AQR: variants seen among roughly 807,000 people sequenced by gnomAD.
The protein encoded by AQR is aquarius intron-binding spliceosomal factor.
AQR carries 61 observed loss-of-function variants against 180.5 expected under a neutral mutation model. The observed-to-expected ratio is 0.34, with a 90% CI of 0.28 to 0.42. The LOEUF (loss-of-function observed/expected upper bound fraction) is 0.42. Among genes scored for constraint, AQR ranks in the 10% least tolerant of loss-of-function variants. The pLI is 1.00. For missense variants in AQR, 1,281 were observed against 1,798.3 expected, an observed-to-expected ratio of 0.71 and a Z score of 5.20; for synonymous variants, 551 against 588.8, an observed-to-expected ratio of 0.94 and a Z score of 0.93.
chr15:34,874,968 C>T, intron 28 of AQR, 104 bp from the exon 29 acceptor site: 1 of 1,085,624 alleles, frequency 9.2e-7, no homozygotes, highest in Non-Finnish European at 1.3e-6. Context: ...CCTTATCTTA[C>T]AAATTACCAA....
chr15:34,962,121 C>G (rs1038493762), intron 2 of AQR, among the ~76,000 whole-genome samples: 2 of 151,036 alleles, frequency 1.3e-5, no homozygotes, highest in East Asian at 3.9e-4. Flanking sequence ...CTTCCAGTCT[C>G]AACTATCCTC....
intron 13 of AQR, 91 bp downstream of exon 13, chr15:34,926,944 G>T: frequency 1.5e-6 from 1 of 669,934 alleles, no homozygotes; most frequent in Non-Finnish European, 2.4e-6. Context: ...ATTATCTAAA[G>T]TACTGCAAAA....
At chr15:34,892,354 C>T (rs1400372872) in intron 23 of AQR, among the ~76,000 whole-genome samples, 2 of 152,136 alleles carry the variant, frequency 1.3e-5, no homozygotes, top group Non-Finnish European at 2.9e-5. Flanking sequence ...CAGGAATATT[C>T]ATTCTACTAA....
intron 27 of AQR, 33 bp downstream of exon 27, chr15:34,882,465 TAAAA>T: frequency 9.2e-6 from 11 of 1,199,450 alleles, no homozygotes; most frequent in South Asian, 8.1e-5. Context: ...CTGATAATCT[TAAAA>T]AAAAAAAAAA....
intron 3 of AQR, among the ~76,000 whole-genome samples, chr15:34,957,345 C>T (rs1179492228): frequency 1.3e-5 from 2 of 151,644 alleles, no homozygotes; most frequent in Admixed American, 6.6e-5. Flanking sequence ...TTAGTAGAGA[C>T]GGGGTTTCAC....
chr15:34,954,601 C>T (rs1291182969), intron 3 of AQR, among the ~76,000 whole-genome samples: 1 of 152,112 alleles, frequency 6.6e-6, no homozygotes, highest in Non-Finnish European at 1.5e-5. Flanking sequence ...GCCACCATGC[C>T]TGGCCTTGAA....
chr15:34,896,795 G>T, intron 22 of AQR, 102 bp downstream of exon 22: 1 of 970,244 alleles, frequency 1.0e-6, no homozygotes, highest in Non-Finnish European at 1.6e-6. Flanking sequence ...GCTGCAGTGA[G>T]CTGAGATCGC....
In AQR at chr15:34,944,354, A is replaced by G. The variant is rs1894076766; in HGVS notation, c.405T>C (p.Asp135=). Residue 135 remains aspartate (D), a synonymous_variant, in exon 6 of 35, where the codon GAT becomes GAC. Coordinates refer to ENST00000156471, the MANE Select transcript of AQR (RefSeq NM_014691.3). ...TCTGTTCATGAAGTGAAAATTCACC[A>G]TCAGTTTCAGCTAATGCCGCCTTCA... ...HILKAALAET[D]GEFSLHEQTV... 6.2e-7 allele frequency: 1 copy of G among 1,611,632 alleles called. No homozygotes were observed. Among genetic ancestry groups the G allele is most frequent in the Non-Finnish European group, 8.5e-7 (1 of 1,178,952 alleles).
intron 31 of AQR, chr15:34,868,419 G>C (rs558673124): frequency 6.6e-6 from 1 of 152,208 alleles, no homozygotes; most frequent in East Asian, 1.9e-4. Context: ...TGGCAACTCA[G>C]ACATTTATCT....
chr15:34,873,591 C>T (rs1345899725), intron 30 of AQR, among the ~76,000 whole-genome samples: 4 of 152,006 alleles, frequency 2.6e-5, no homozygotes, highest in Admixed American at 2.6e-4. Flanking sequence ...TTAGGAAGAC[C>T]TTTCTCACTC....
chr15:34,956,192 T>C (rs1894313221), intron 3 of AQR, among the ~76,000 whole-genome samples: 1 of 152,140 alleles, frequency 6.6e-6, no homozygotes. Flanking sequence ...AAAGAGTCCA[T>C]ACATTTCAAA....
intron 31 of AQR, 73 bp from the exon 32 acceptor site, chr15:34,867,682 G>T: frequency 1.9e-6 from 2 of 1,035,436 alleles, no homozygotes; most frequent in Non-Finnish European, 2.9e-6. Flanking sequence ...TAAATAATGT[G>T]CTAGGAACAA....
At chr15:34,935,107 TAG>T (rs770500703) in intron 9 of AQR, among the ~76,000 whole-genome samples, 10 of 152,102 alleles carry the variant, frequency 6.6e-5, no homozygotes, top group Admixed American at 2.0e-4. Flanking sequence ...CACTGAAAAT[TAG>T]AGAGGTAATT....
At chr15:34,858,737 A>G (rs1892627151) in intron 34 of AQR, among the ~76,000 whole-genome samples, 1 of 152,224 alleles carries the variant, frequency 6.6e-6, no homozygotes, top group Non-Finnish European at 1.5e-5. Context: ...TGGCAAAGGG[A>G]CGGATATACA....
chr15:34,940,486 C>A (rs1239231993), intron 8 of AQR, among the ~76,000 whole-genome samples: 1 of 152,006 alleles, frequency 6.6e-6, no homozygotes, highest in Non-Finnish European at 1.5e-5. Context: ...GCCACAGTCG[C>A]ACTATTGCAC....
intron 5 of AQR, among the ~76,000 whole-genome samples, chr15:34,947,924 G>A (rs62006153): frequency 0.12 from 18,843 of 152,174 alleles, 1,405 homozygotes; most frequent in East Asian, 0.3. Context: ...AGGCATGAGT[G>A]ACAGCACTCA....
intron 34 of AQR, 67 bp from the exon 35 acceptor site, chr15:34,857,173 C>T: frequency 1.4e-6 from 2 of 1,411,736 alleles, no homozygotes; most frequent in Non-Finnish European, 1.9e-6. Flanking sequence ...TAAGCTCTCA[C>T]ATTACCATTC....
intron 12 of AQR, among the ~76,000 whole-genome samples, chr15:34,929,578 T>C (rs912042066): frequency 1.1e-4 from 16 of 152,190 alleles, no homozygotes; most frequent in African/African-American, 3.9e-4. Context: ...ACCAAGCTGT[T>C]TTGGTTACTG....
intron 16 of AQR, among the ~76,000 whole-genome samples, 179 bp from the exon 17 acceptor site, chr15:34,910,492 TATAAG>T (rs1435439080): frequency 1.3e-5 from 2 of 152,146 alleles, no homozygotes; most frequent in Non-Finnish European, 2.9e-5. Flanking sequence ...ATGCAAAGTA[TATAAG>T]ATAGCATGAA....
Sources: allele counts gnomAD v4.1 joint callset (sites outside exome capture counted in the v4.1 genomes callset), GRCh38; gene constraint gnomAD v4.1.1; transcripts MANE v1.5; gene names NCBI Gene and HGNC (gene_info 2026-07-23, HGNC 2026-07-21).